The following RORA variants were observed in gnomAD, a reference collection of about 807,000 sequenced individuals.
RORA encodes the protein nuclear receptor ROR-alpha.
A neutral mutation model predicts 69.5 loss-of-function variants in RORA; 7 were observed. That is an observed-to-expected ratio of 0.10 (90% confidence interval 0.06 to 0.19). RORA has a LOEUF of 0.19. Among genes scored for constraint, RORA ranks in the 10% least tolerant of loss-of-function variants. The pLI, the probability that RORA is intolerant of heterozygous loss-of-function variation, is 1.00. For synonymous variants in RORA, 261 were observed against 240.8 expected (o/e 1.08, Z -0.78); for missense variants, 457 against 663.0 (o/e 0.69, Z 3.41).
rs556049148 is a variant in RORA, at chr15:60,743,149, G to C, written c.167-64463C>G. 2.8e-3 allele frequency among the ~76,000 whole-genome samples: 430 copies of C among 151,584 alleles called. 1 individual carries two copies. Among genetic ancestry groups the C allele is most frequent in the African/African-American group, 0.01 (414 of 41,300 alleles). The stretch of plus-strand genomic sequence containing the variant: ...TGTGCCTCAGCCTCCTGAGTAGCTG[G>C]GACTACAGATATGTACCACCATGCC... On this transcript the variant is annotated intron_variant, in intron 1 of 10. Coordinates refer to ENST00000335670, the MANE Select transcript of RORA (RefSeq NM_134261.3).
intron 1 of RORA, among the ~76,000 whole-genome samples, chr15:60,921,883 T>C (rs941845311): frequency 6.6e-6 from 1 of 152,184 alleles, no homozygotes; most frequent in Non-Finnish European, 1.5e-5. Context: ...GCTCAATATA[T>C]GGTCATTCAT....
intron 1 of RORA, among the ~76,000 whole-genome samples, chr15:61,137,459 A>G (rs916359213): frequency 1.3e-5 from 2 of 152,244 alleles, no homozygotes; most frequent in South Asian, 4.1e-4. Context: ...CAAAATTAGT[A>G]TAATGCACAC....
At chr15:61,081,206 G>A (rs1277136246) in intron 1 of RORA, among the ~76,000 whole-genome samples, 1 of 152,138 alleles carries the variant, frequency 6.6e-6, no homozygotes, top group African/African-American at 2.4e-5. Context: ...TGAGGGCACT[G>A]GGCCATTTTA....
At chr15:60,774,861 T>G (rs943327475) in intron 1 of RORA, among the ~76,000 whole-genome samples, 6 of 152,250 alleles carry the variant, frequency 3.9e-5, no homozygotes, top group African/African-American at 1.4e-4. Flanking sequence ...TTAGATTCTA[T>G]TACAAAACAA....
intron 1 of RORA, among the ~76,000 whole-genome samples, chr15:60,760,142 ATT>A (rs10717467): frequency 0.034 from 4,996 of 148,856 alleles, 118 homozygotes; most frequent in Non-Finnish European, 0.048. Flanking sequence ...GCTTTAAAAT[ATT>A]TTTTTTTTTC....
In RORA at chr15:61,021,574, A is replaced by G. The variant is rs142058220; in HGVS notation, c.166+207479T>C. On this transcript the variant is annotated intron_variant, in intron 1 of 10. Coordinates refer to ENST00000335670, the MANE Select transcript of RORA (RefSeq NM_134261.3). ...TCAAACACAGGGAACCTGACCCTGG[A>G]TCCCACACTCCTAGCCACAGAACAA... is the stretch of plus-strand genomic sequence containing the variant. 3.9e-3 allele frequency among the ~76,000 whole-genome samples: 595 copies of G among 152,316 alleles called. 6 individuals are homozygous for G. The highest frequency in any genetic ancestry group is 0.014 in the Middle Eastern group (4 of 294).
chr15:61,099,955 C>T (rs2078852927), intron 1 of RORA, among the ~76,000 whole-genome samples: 1 of 152,028 alleles, frequency 6.6e-6, no homozygotes, highest in Non-Finnish European at 1.5e-5. Context: ...ACTGCTATTA[C>T]CTTTTGTCAA....
At chr15:61,071,223 G>A (rs2078338513) in intron 1 of RORA, among the ~76,000 whole-genome samples, 1 of 44,096 alleles carries the variant, frequency 2.3e-5, no homozygotes, top group Non-Finnish European at 4.2e-5. Flanking sequence ...AAGGGGAGGG[G>A]AAGGGAAGGG....
chr15:60,906,311 G>A (rs1891539600), intron 1 of RORA, among the ~76,000 whole-genome samples: 1 of 152,180 alleles, frequency 6.6e-6, no homozygotes, highest in African/African-American at 2.4e-5. Flanking sequence ...TCCCCTAGAT[G>A]TAACAAAATT....
chr15:60,922,219 A>C (rs1021820379), intron 1 of RORA, among the ~76,000 whole-genome samples: 1 of 152,194 alleles, frequency 6.6e-6, no homozygotes, highest in South Asian at 2.1e-4. Flanking sequence ...GAGGGCAGTG[A>C]AACTGTTCTG....
chr15:60,970,468 G>C (rs1421302243), intron 1 of RORA, among the ~76,000 whole-genome samples: 1 of 152,200 alleles, frequency 6.6e-6, no homozygotes, highest in African/African-American at 2.4e-5. Flanking sequence ...TGGGGATATA[G>C]AATGCAACAA....
intron 1 of RORA, among the ~76,000 whole-genome samples, chr15:61,080,169 T>G (rs894622545): frequency 4.6e-5 from 7 of 152,150 alleles, no homozygotes; most frequent in Non-Finnish European, 1.0e-4. Flanking sequence ...CTCTTTTCCT[T>G]GGTTGCCAAC....
intron 1 of RORA, among the ~76,000 whole-genome samples, chr15:60,705,945 C>A (rs1238000420): frequency 6.6e-6 from 1 of 151,876 alleles, no homozygotes; most frequent in Non-Finnish European, 1.5e-5. Context: ...TCTTAGGGTC[C>A]CCAGGTGAAA....
intron 1 of RORA, among the ~76,000 whole-genome samples, chr15:60,830,866 C>T (rs1224369103): frequency 6.6e-6 from 1 of 152,204 alleles, no homozygotes; most frequent in Non-Finnish European, 1.5e-5. Context: ...TGAGGGACCA[C>T]ACCTCAATTT....
chr15:60,568,088 TC>T (rs1439055936), intron 2 of RORA, among the ~76,000 whole-genome samples: 1 of 152,206 alleles, frequency 6.6e-6, no homozygotes, highest in Admixed American at 6.5e-5. Context: ...TGATAAATGT[TC>T]CCTGGGGGTC....
At chr15:61,069,820 T>C (rs2078315596) in intron 1 of RORA, among the ~76,000 whole-genome samples, 1 of 152,164 alleles carries the variant, frequency 6.6e-6, no homozygotes, top group Non-Finnish European at 1.5e-5. Flanking sequence ...CGAAGATAGA[T>C]TTAAAACGAA....
rs567548328 is a variant in RORA at position 61,198,676 on chromosome 15, A to T, written c.166+30377T>A. On this transcript the variant is annotated intron_variant, in intron 1 of 10. Transcript: ENST00000335670. Reference sequence around the variant, plus strand: ...GCTTTGGCCTGCATTATATTCTCTCAAAAAAAAAAAAAAAGACAACTACTA... The same window carrying T: ...GCTTTGGCCTGCATTATATTCTCTCTAAAAAAAAAAAAAAGACAACTACTA... 1.2e-3 allele frequency among the ~76,000 whole-genome samples: 31 copies of T among 25,606 alleles called. 1 individual carries two copies. In the South Asian group the frequency reaches 0.053, roughly 43 times the overall value. 16.8% of individuals were successfully genotyped at this position (25,606 alleles called of 152,430 possible). A position where few individuals can be genotyped will look rare whatever the true frequency, so the allele number is the denominator to read the frequency against.
Position 60,793,659 on chromosome 15 carries a change from G to C in RORA, c.167-114973C>G, listed in dbSNP as rs554435853. ...TGTGTGAGAAGCAGAGAGTAAGGAA[G>C]CCTTGAGCCTCCAAGGACTGGGAAC... On this transcript the variant is annotated intron_variant, in intron 1 of 10. Coordinates refer to ENST00000335670, the MANE Select transcript of RORA (RefSeq NM_134261.3). 2.6e-5 allele frequency among the ~76,000 whole-genome samples: 4 copies of C among 152,352 alleles called. No homozygotes were observed. The South Asian group carries it at 8.3e-4, about 32-fold the overall frequency.
At chr15:61,190,589 C>T (rs1384890658) in intron 1 of RORA, among the ~76,000 whole-genome samples, 1 of 152,006 alleles carries the variant, frequency 6.6e-6, no homozygotes, top group African/African-American at 2.4e-5. Flanking sequence ...TGCGAAACCC[C>T]ATCTCTACAA....
Sources: allele counts gnomAD v4.1 joint callset (sites outside exome capture counted in the v4.1 genomes callset), GRCh38; gene constraint gnomAD v4.1.1; transcripts MANE v1.5; gene names NCBI Gene and HGNC (gene_info 2026-07-23, HGNC 2026-07-21).